The following BRINP1 variants were observed in gnomAD, a reference collection of about 807,000 sequenced individuals.
BRINP1 encodes the protein BMP/retinoic acid-inducible neural-specific protein 1.
In BRINP1, 17 loss-of-function variants were observed where a neutral mutation model predicts 72.9. The ratio of observed to expected loss-of-function variants is 0.23; its 90% CI spans 0.16 to 0.35. The LOEUF is 0.35. Among genes scored for constraint, BRINP1 ranks in the 10% least tolerant of loss-of-function variants. The pLI, the probability that BRINP1 is intolerant of heterozygous loss-of-function variation, is 1.00. For synonymous variants in BRINP1, 418 were observed against 378.5 expected, an observed-to-expected ratio of 1.10 and a Z score of -1.21; for missense variants, 850 against 1,001.6, an observed-to-expected ratio of 0.85 and a Z score of 2.04.
chr9:119,357,237 A>T (rs1831577901), intron 1 of BRINP1, among the ~76,000 whole-genome samples: 1 of 152,208 alleles, frequency 6.6e-6, no homozygotes, highest in South Asian at 2.1e-4. Flanking sequence ...TTCTTTATAC[A>T]TGCACGTGTG....
intron 1 of BRINP1, among the ~76,000 whole-genome samples, chr9:119,342,047 C>T (rs1313495978): frequency 6.6e-6 from 1 of 152,074 alleles, no homozygotes; most frequent in Non-Finnish European, 1.5e-5. Context: ...GGATTACAGG[C>T]ATGAGCCACC....
chr9:119,294,605 C>T (rs550129888), intron 2 of BRINP1, among the ~76,000 whole-genome samples: 1 of 152,176 alleles, frequency 6.6e-6, no homozygotes, highest in South Asian at 2.1e-4. Context: ...GTGGCTTACA[C>T]CTGTAATCCC....
intron 1 of BRINP1, among the ~76,000 whole-genome samples, chr9:119,319,452 G>C (rs987067090): frequency 2.0e-5 from 3 of 152,110 alleles, no homozygotes; most frequent in African/African-American, 7.2e-5. Flanking sequence ...TAATGGAAAT[G>C]GATATTTTGT....
Position 119,369,413 on chromosome 9 carries a change from C to A in BRINP1, c.-408G>T. 2.5e-6 allele frequency: 1 copy of A among 395,662 alleles called. No homozygotes were observed. Among genetic ancestry groups the A allele is most frequent in the East Asian group, 3.6e-5 (1 of 27,906 alleles). 24.5% of individuals were successfully genotyped at this position (395,662 alleles called of 1,614,324 possible). On this transcript the variant is annotated 5_prime_UTR_variant, in exon 1 of 8. Coordinates refer to ENST00000265922, the MANE Select transcript of BRINP1 (RefSeq NM_014618.3). The stretch of plus-strand genomic sequence containing the variant: ...CAGATCAGTTTGCAGCCGTGGGGTC[C>A]GGGAGCGAGGCGGCTGGCGAATGGA...
chr9:119,353,785 C>T (rs1831528084), intron 1 of BRINP1, among the ~76,000 whole-genome samples: 1 of 114,498 alleles, frequency 8.7e-6, no homozygotes, highest in African/African-American at 3.3e-5. Flanking sequence ...GTTTATTTTT[C>T]AATTAAAGCA....
chr9:119,216,903 T>G (rs10984443), intron 5 of BRINP1, among the ~76,000 whole-genome samples: 27,882 of 151,810 alleles, frequency 0.18, 2,838 homozygotes, highest in Non-Finnish European at 0.24. Context: ...GGGTTGGGGG[T>G]TTTCTGGGAG....
At chr9:119,272,094 A>C (rs907553722) in intron 2 of BRINP1, among the ~76,000 whole-genome samples, 4 of 124,506 alleles carry the variant, frequency 3.2e-5, no homozygotes, top group African/African-American at 2.0e-4. Context: ...TTTGAGACAA[A>C]AAAAAAAAAA....
At chr9:119,348,232 T>G (rs1831468625) in intron 1 of BRINP1, among the ~76,000 whole-genome samples, 1 of 152,200 alleles carries the variant, frequency 6.6e-6, no homozygotes, top group African/African-American at 2.4e-5. Context: ...CCTTTTCAGA[T>G]TTACTTCTTT....
At chr9:119,209,740 C>G (rs577720739) in intron 6 of BRINP1, among the ~76,000 whole-genome samples, 20 of 152,290 alleles carry the variant, frequency 1.3e-4, no homozygotes, top group African/African-American at 4.1e-4. Context: ...CATGACTGCT[C>G]TCATGTTGAA....
intron 6 of BRINP1, chr9:119,213,521 T>G (rs1215036890): frequency 3.2e-6 from 1 of 317,424 alleles, no homozygotes; most frequent in Non-Finnish European, 5.8e-6. Flanking sequence ...TATCTAGTTA[T>G]AGAGATGGAC....
At chr9:119,331,221 G>A (rs187538056) in intron 1 of BRINP1, among the ~76,000 whole-genome samples, 1 of 152,240 alleles carries the variant, frequency 6.6e-6, no homozygotes, top group Admixed American at 6.5e-5. Context: ...TGAACCTAAA[G>A]GGAAGAGAAG....
At chr9:119,304,565 C>T (rs1034179842) in intron 2 of BRINP1, among the ~76,000 whole-genome samples, 7 of 152,186 alleles carry the variant, frequency 4.6e-5, no homozygotes, top group Non-Finnish European at 8.8e-5. Context: ...AAGAAATTGC[C>T]CAGAGGCAGA....
chr9:119,314,229 T>A (rs1294239689), intron 1 of BRINP1, among the ~76,000 whole-genome samples: 1 of 151,944 alleles, frequency 6.6e-6, no homozygotes, highest in East Asian at 1.9e-4. Context: ...TATTAGGGGG[T>A]CTTATGGCAC....
At chr9:119,218,139 C>T (rs1829999098) in intron 5 of BRINP1, among the ~76,000 whole-genome samples, 1 of 151,920 alleles carries the variant, frequency 6.6e-6, no homozygotes, top group Non-Finnish European at 1.5e-5. Flanking sequence ...CTAAGGGCCC[C>T]CAGAGTATAA....
chr9:119,178,785 G>C (rs123660), intron 7 of BRINP1, among the ~76,000 whole-genome samples: 16,091 of 152,174 alleles, frequency 0.11, 2,634 homozygotes, highest in African/African-American at 0.36. Flanking sequence ...GAGTACCTTT[G>C]TGATCTCAGA....
At chr9:119,236,779 TG>T (rs1409802532) in intron 5 of BRINP1, among the ~76,000 whole-genome samples, 5 of 152,196 alleles carry the variant, frequency 3.3e-5, no homozygotes, top group African/African-American at 1.2e-4. Context: ...TAAATCTTTC[TG>T]TCTACTCTTT....
At chr9:119,310,988 G>A (rs923035652) in intron 2 of BRINP1, among the ~76,000 whole-genome samples, 24 of 152,100 alleles carry the variant, frequency 1.6e-4, no homozygotes, top group African/African-American at 5.6e-4. Flanking sequence ...CAAGAGTTCC[G>A]CCTAATCCTT....
At chr9:119,191,180 A>C (rs2118849750) in intron 7 of BRINP1, among the ~76,000 whole-genome samples, 1 of 152,076 alleles carries the variant, frequency 6.6e-6, no homozygotes, top group East Asian at 1.9e-4. Flanking sequence ...TAACATCATA[A>C]TCAACAGGAA....
chr9:119,367,107 G>T (rs549883480), intron 1 of BRINP1, among the ~76,000 whole-genome samples: 1 of 151,498 alleles, frequency 6.6e-6, no homozygotes, highest in South Asian at 2.1e-4. Context: ...TGGTATGTCT[G>T]CAAGTGCCTG....
Sources: gnomAD v4.1 joint callset for allele counts (sites outside exome capture counted in the v4.1 genomes callset) on GRCh38, gnomAD v4.1.1 for gene constraint, MANE v1.5 for transcripts, NCBI Gene and HGNC (gene_info 2026-07-23, HGNC 2026-07-21) for gene names.